MEIS3: variants seen among roughly 807,000 people sequenced by gnomAD.
MEIS3 encodes the protein Meis homeobox 3.
MEIS3 carries 38 observed loss-of-function variants against 51.4 expected under a neutral mutation model. The observed-to-expected ratio is 0.74, with a 90% confidence interval of 0.57 to 0.97. The LOEUF (loss-of-function observed/expected upper bound fraction) is 0.97, where lower values mean the gene tolerates loss of function less well. Ranked by LOEUF, MEIS3 falls within the 50% of genes least tolerant of loss-of-function variation. The pLI, the probability that MEIS3 is intolerant of heterozygous loss-of-function variation, is 0.00. For synonymous variants in MEIS3, 198 were observed against 201.8 expected (o/e 0.98, Z 0.16); for missense variants, 456 against 502.6 (o/e 0.91, Z 0.89).
intron 8 of MEIS3, chr19:47,407,704 T>G: frequency 3.8e-5 from 20 of 529,002 alleles, no homozygotes; most frequent in East Asian, 1.6e-4. Context: ...AGGGGGCTCC[T>G]GTGGCGTGGG....
At chr19:47,404,644 A>T (rs1054737443) in intron 12 of MEIS3, among the ~76,000 whole-genome samples, 5 of 151,908 alleles carry the variant, frequency 3.3e-5, no homozygotes, top group Non-Finnish European at 7.4e-5. Flanking sequence ...TCTCACCTCC[A>T]AAGTCCTCTC....
chr19:47,403,217 C>T lies in MEIS3; in HGVS notation c.*354G>A, dbSNP rs1970665413. ...GAGTGAAGGAATCTCTCCAAAATGTCGGATCCGGGCGACCCTCCTTCCCTG... is the reference window on the plus strand; with the variant it reads ...GAGTGAAGGAATCTCTCCAAAATGTTGGATCCGGGCGACCCTCCTTCCCTG... On this transcript the variant is annotated 3_prime_UTR_variant, in exon 13 of 13. Coordinates refer to ENST00000558555, the MANE Select transcript of MEIS3 (RefSeq NM_001301059.2). 3 of 307,330 alleles carry T rather than the reference C, an allele frequency of 9.8e-6. No individual in the cohort carries two copies. The highest frequency in any genetic ancestry group is 7.2e-5 in the South Asian group (3 of 41,688). The allele number at this position is 307,330 out of a possible 1,614,324, so 19.0% of individuals were successfully genotyped here.
At chr19:47,410,238 A>G (rs1418481988) in intron 6 of MEIS3, among the ~76,000 whole-genome samples, 1 of 152,044 alleles carries the variant, frequency 6.6e-6, no homozygotes, top group Non-Finnish European at 1.5e-5. Flanking sequence ...ACCTGAGGTC[A>G]GGAGTTGAAG....
At chr19:47,417,448 C>T (rs916394527) in intron 1 of MEIS3, 98 bp from the exon 2 acceptor site, 6 of 1,418,070 alleles carry the variant, frequency 4.2e-6, no homozygotes, top group Non-Finnish European at 5.9e-6. Flanking sequence ...CCAGGAGATG[C>T]CCTTCTGTGT....
chr19:47,420,961 CTCTCTCTCTCTCTT>C (rs1971696302), upstream of MEIS3, among the ~76,000 whole-genome samples: 1 of 144,070 alleles, frequency 6.9e-6, no homozygotes, highest in Non-Finnish European at 1.5e-5. Context: ...CTCTCTCTCT[CTCTCTCTCTCTCTT>C]CCTGGCTGTC....
chr19:47,407,304 C>A lies in MEIS3; in HGVS notation c.935+48G>T, dbSNP rs533770530. The stretch of plus-strand genomic sequence containing the variant: ...CCTCCGTCAGCACCGCGGACAGCGC[C>A]CGGGCTCTCGCCCCGGGCCGGCCCG... On this transcript the variant is annotated intron_variant, in intron 9 of 12. Transcript: ENST00000558555. 16 of 1,593,142 alleles carry A rather than the reference C, an allele frequency of 1.0e-5. No individual in the cohort carries two copies. The East Asian group carries it at 3.2e-4, about 32-fold the overall frequency.
At position 47,414,825 on chromosome 19, in the gene MEIS3, G is replaced by A. The variant is rs1425397965; in HGVS notation, c.489C>T (p.Thr163=). 1.9e-6 allele frequency: 3 copies of A among 1,613,286 alleles called. No individual in the cohort carries two copies. The highest frequency in any genetic ancestry group is 2.7e-5 in the African/African-American group (2 of 74,790). ...LCDNFCHRYI[T]CLKGKMPIDL... ...CGATGGGCATCTTTCCCTTGAGGCA[G>A]GTGATGTAGCGGTGACAGAAGTTGT... Residue 163 remains threonine, a synonymous_variant, in exon 6 of 13, where the codon ACC becomes ACT. Coordinates refer to ENST00000558555, the MANE Select transcript of MEIS3 (RefSeq NM_001301059.2).
At chr19:47,410,108 A>G (rs1013889462) in intron 6 of MEIS3, among the ~76,000 whole-genome samples, 15 of 152,008 alleles carry the variant, frequency 9.9e-5, no homozygotes, top group African/African-American at 3.6e-4. Context: ...GGCATTTGAG[A>G]CCAGCCTGGC....
chr19:47,406,241 A>T (rs1030799903), intron 12 of MEIS3: 2 of 476,924 alleles, frequency 4.2e-6, no homozygotes, highest in African/African-American at 4.0e-5. Context: ...TGGGTGAGTG[A>T]GTGGGTAGAT....
In MEIS3 at chr19:47,416,662, A is replaced by G. The variant is rs1971428164; in HGVS notation, c.386T>C (p.Leu129Pro). 1.3e-6 allele frequency: 2 copies of G among 1,545,906 alleles called. No homozygotes were observed. The highest frequency in any genetic ancestry group is 1.7e-6 in the Non-Finnish European group (2 of 1,144,458). The change falls in exon 4 of 13, where the codon CTG becomes CCG. Residue 129 changes from leucine to proline, a missense_variant. Transcript: ENST00000558555. ...ERPLFSSNPE[L>P]DNLMIQAIQV... ...GGGCTCGGGTCTCACCAGATTGTCC[A>G]GTTCTGGGTTGGAGGAGAAGAGGGG...
chr19:47,405,076 C>T (rs1235218014), intron 12 of MEIS3, among the ~76,000 whole-genome samples: 3 of 152,294 alleles, frequency 2.0e-5, no homozygotes, highest in East Asian at 1.9e-4. Flanking sequence ...AGGCTGCCTC[C>T]CTACCCTGGG....
chr19:47,416,909 T>G lies in MEIS3; in HGVS notation c.240A>C (p.Thr80=), dbSNP rs763812367. 7.4e-6 allele frequency: 12 copies of G among 1,611,856 alleles called. No homozygotes were observed. In the African/African-American group the frequency reaches 1.5e-4, roughly 20 times the overall value. ...ALVFEKCELA[T]CSPRDGAGAG... is the part of the protein sequence containing the mutation. ...CTCCGGCCCCGTCACGGGGAGAGCA[T>G]GTAGCCAGTTCACATTTCTCAAAGA... is the stretch of plus-strand genomic sequence containing the variant. Residue 80 remains threonine (T), a synonymous_variant, in exon 3 of 13, where the codon ACA becomes ACC. Transcript: ENST00000558555.
chr19:47,420,074 C>T (rs143796083), upstream of MEIS3, among the ~76,000 whole-genome samples: 1 of 152,290 alleles, frequency 6.6e-6, no homozygotes, highest in African/African-American at 2.4e-5. Context: ...GTCCCCATGC[C>T]GGCGGGCTCT....
rs988197729 is a variant in MEIS3 at position 47,403,259 on chromosome 19, G to A, written c.*312C>T. On this transcript the variant is annotated 3_prime_UTR_variant, in exon 13 of 13. Coordinates refer to ENST00000558555, the MANE Select transcript of MEIS3 (RefSeq NM_001301059.2). ...CCTTCCCTGACTGCCCAGCCACCCC[G>A]TCCCTTCTCTGTCCTGGCGGCGAGG... 2.9e-5 allele frequency: 10 copies of A among 348,060 alleles called. No individual in the cohort carries two copies. Among genetic ancestry groups the A allele is most frequent in the African/African-American group, 4.4e-5 (2 of 45,594 alleles). 21.6% of individuals were successfully genotyped at this position (348,060 alleles called of 1,614,324 possible).
intron 6 of MEIS3, chr19:47,412,278 T>G (rs1971172469): frequency 6.6e-6 from 1 of 152,206 alleles, no homozygotes; most frequent in Admixed American, 6.5e-5. Context: ...CAGTTTAACG[T>G]TGGGTTAAAT....
intron 6 of MEIS3, among the ~76,000 whole-genome samples, chr19:47,411,633 T>TG (rs2122515643): frequency 6.6e-6 from 1 of 151,048 alleles, no homozygotes; most frequent in South Asian, 2.1e-4. Flanking sequence ...CTATACCTCC[T>TG]GGGTTCAGGC....
chr19:47,408,048 GC>G (rs928782456), intron 8 of MEIS3, among the ~76,000 whole-genome samples: 1 of 151,914 alleles, frequency 6.6e-6, no homozygotes, highest in African/African-American at 2.4e-5. Flanking sequence ...CTCGTGATCC[GC>G]CCGCCTCGGC....
At chr19:47,407,522 C>A in intron 8 of MEIS3, 94 bp from the exon 9 acceptor site, 1 of 1,603,388 alleles carries the variant, frequency 6.2e-7, no homozygotes, top group East Asian at 2.2e-5. Flanking sequence ...ATGGGGAGCC[C>A]AGGCCCAGGC....
At chr19:47,417,493 G>T in intron 1 of MEIS3, 143 bp from the exon 2 acceptor site, 2 of 1,058,364 alleles carry the variant, frequency 1.9e-6, no homozygotes, top group Non-Finnish European at 2.8e-6. Flanking sequence ...AGGTGTCTGA[G>T]CCCCCAAGCT....
Sources: gnomAD v4.1 joint callset for allele counts (sites outside exome capture counted in the v4.1 genomes callset) on GRCh38, gnomAD v4.1.1 for gene constraint, MANE v1.5 for transcripts, NCBI Gene and HGNC (gene_info 2026-07-23, HGNC 2026-07-21) for gene names.